NCOA1: variants seen among roughly 807,000 people sequenced by gnomAD.
NCOA1 encodes the protein Hin-2 protein.
In NCOA1, 35 loss-of-function variants were observed where a neutral mutation model predicts 150.9. That is an observed-to-expected ratio of 0.23 (90% confidence interval 0.18 to 0.31). The LOEUF is 0.31. Among genes scored for constraint, NCOA1 ranks in the 10% least tolerant of loss-of-function variants. NCOA1 has a pLI of 1.00. For synonymous variants in NCOA1, 590 were observed against 630.0 expected (o/e 0.94, Z 0.95); for missense variants, 1,491 against 1,749.3 (o/e 0.85, Z 2.63).
chr2:24,729,826 T>A lies in NCOA1; in HGVS notation c.3201+11T>A, dbSNP rs771413648. ...CAGGGACAACAGCAGGTAAGTGCTC[T>A]TGTTTAGCAGTTGATACTTTTTTTT... On this transcript the variant is annotated intron_variant, in intron 17 of 22. Transcript: ENST00000348332. 1 of 1,602,732 alleles carries A rather than the reference T, an allele frequency of 6.2e-7. No individual in the cohort carries two copies. Among genetic ancestry groups the A allele is most frequent in the Non-Finnish European group, 8.5e-7 (1 of 1,174,920 alleles).
chr2:24,544,068 T>C (rs907114402), intron 1 of NCOA1, among the ~76,000 whole-genome samples: 14 of 152,102 alleles, frequency 9.2e-5, no homozygotes, highest in African/African-American at 2.9e-4. Context: ...TGGAGATGTA[T>C]TTGAGAAAGA....
intron 3 of NCOA1, among the ~76,000 whole-genome samples, chr2:24,603,775 G>A (rs2148363896): frequency 6.6e-6 from 1 of 152,270 alleles, no homozygotes; most frequent in Non-Finnish European, 1.5e-5. Flanking sequence ...ATGATGGTTG[G>A]AACCAATCTA....
At chr2:24,662,391 A>G (rs1374270030) in intron 5 of NCOA1, among the ~76,000 whole-genome samples, 4 of 152,172 alleles carry the variant, frequency 2.6e-5, no homozygotes, top group African/African-American at 9.7e-5. Context: ...ACTCAAGTAC[A>G]TGTTAAGTGC....
intron 3 of NCOA1, among the ~76,000 whole-genome samples, chr2:24,618,717 C>T (rs530566758): frequency 2.0e-5 from 3 of 152,106 alleles, no homozygotes; most frequent in African/African-American, 4.8e-5. Flanking sequence ...TATGTTCCCC[C>T]CTCCTGTATT....
At chr2:24,569,080 A>G (rs1473005009) in intron 2 of NCOA1, among the ~76,000 whole-genome samples, 2 of 152,174 alleles carry the variant, frequency 1.3e-5, no homozygotes, top group African/African-American at 4.8e-5. Context: ...ATATCAATTC[A>G]TATCCCACTT....
chr2:24,622,974 T>A (rs56185971), intron 3 of NCOA1, among the ~76,000 whole-genome samples: 1 of 152,194 alleles, frequency 6.6e-6, no homozygotes, highest in Non-Finnish European at 1.5e-5. Flanking sequence ...TGTGGACACA[T>A]GTACATATGT....
intron 1 of NCOA1, among the ~76,000 whole-genome samples, chr2:24,525,132 A>G (rs190074762): frequency 2.6e-5 from 4 of 152,200 alleles, no homozygotes; most frequent in Non-Finnish European, 4.4e-5. Context: ...TCATTAAATT[A>G]CTAGGGATGG....
intron 9 of NCOA1, 28 bp downstream of exon 9, chr2:24,691,688 T>C: frequency 6.3e-7 from 1 of 1,594,234 alleles, no homozygotes. Context: ...TTTTAAAGTG[T>C]TTATTTCTTC....
Position 24,762,824 on chromosome 2 carries a change from GCA to G in NCOA1, c.4155+51_4155+52del, listed in dbSNP as rs112852246. On this transcript the variant is annotated intron_variant, in intron 22 of 22. Transcript: ENST00000348332. ...CAGAGCTGTCAAATGTACTCTAGATGCACAGAGGTCATTGTGTAGCATCATTA... is the reference window on the plus strand; with the variant it reads ...CAGAGCTGTCAAATGTACTCTAGATGCAGAGGTCATTGTGTAGCATCATTA... 22 of 1,491,970 alleles carry G rather than the reference GCA, an allele frequency of 1.5e-5. No individual in the cohort carries two copies. The African/African-American group carries it at 1.5e-4, about 10-fold the overall frequency. 92.4% of individuals were successfully genotyped at this position (1,491,970 alleles called of 1,614,324 possible). A position where few individuals can be genotyped will look rare whatever the true frequency, so the allele number is the denominator to read the frequency against.
At chr2:24,664,758 A>G (rs1175403047) in intron 5 of NCOA1, among the ~76,000 whole-genome samples, 1 of 152,118 alleles carries the variant, frequency 6.6e-6, no homozygotes, top group African/African-American at 2.4e-5. Flanking sequence ...ATTGTTGCCA[A>G]TTATGAGCTC....
chr2:24,617,569 C>T (rs984541140), intron 3 of NCOA1, among the ~76,000 whole-genome samples: 1 of 152,054 alleles, frequency 6.6e-6, no homozygotes, highest in African/African-American at 2.4e-5. Context: ...CTTTGAAAGT[C>T]ATCTGAACAT....
rs375484936 is a variant in NCOA1, at chr2:24,494,690, A to T, written c.-396+3088A>T. ...ATTTTGCATTACTTGCAAATATTGG[A>T]TGCTGTGGTCGGTGTGGGCTCGGGT... is the stretch of plus-strand genomic sequence containing the variant. On this transcript the variant is annotated intron_variant, in intron 1 of 22. Transcript: ENST00000348332. 1.8e-4 allele frequency among the ~76,000 whole-genome samples: 28 copies of T among 152,278 alleles called. No homozygotes were observed. In the East Asian group the frequency reaches 4.8e-3, roughly 26 times the overall value.
At chr2:24,587,982 C>T (rs1667487310) in intron 3 of NCOA1, among the ~76,000 whole-genome samples, 1 of 152,186 alleles carries the variant, frequency 6.6e-6, no homozygotes, top group Non-Finnish European at 1.5e-5. Context: ...CATTATTCCC[C>T]TTTACAAAAT....
intron 3 of NCOA1, among the ~76,000 whole-genome samples, chr2:24,606,246 A>G (rs1668357849): frequency 6.6e-6 from 1 of 151,236 alleles, no homozygotes; most frequent in African/African-American, 2.4e-5. Context: ...TGTTATTATT[A>G]TTATTTTGGT....
At chr2:24,606,594 A>G (rs1010912622) in intron 3 of NCOA1, among the ~76,000 whole-genome samples, 1 of 152,198 alleles carries the variant, frequency 6.6e-6, no homozygotes, top group East Asian at 1.9e-4. Context: ...CAGCTTGGTC[A>G]TGAGATATAT....
chr2:24,765,365 G>A (rs1572700033), intron 22 of NCOA1, among the ~76,000 whole-genome samples: 1 of 152,190 alleles, frequency 6.6e-6, no homozygotes, highest in Non-Finnish European at 1.5e-5. Context: ...CAGGCATGGT[G>A]GCGGGCGCCT....
At chr2:24,609,203 A>C (rs1284334833) in intron 3 of NCOA1, among the ~76,000 whole-genome samples, 1 of 152,224 alleles carries the variant, frequency 6.6e-6, no homozygotes, top group African/African-American at 2.4e-5. Flanking sequence ...TTCTGTAAGA[A>C]AGATTTGTTT....
At chr2:24,726,517 A>G (rs983344967) in intron 14 of NCOA1, 72 bp from the exon 15 acceptor site, 92 of 884,456 alleles carry the variant, frequency 1.0e-4, no homozygotes, top group Non-Finnish European at 1.5e-4. Context: ...TCTCCAATAT[A>G]TTATTTTTGA....
chr2:24,576,149 G>GTTTTTTTTTTTTTTTT lies in NCOA1; in HGVS notation c.-259-8314_-259-8313insTTTTTTTTTTTTTTTT, dbSNP rs1183405187. ...GAGTTTCAGAAATTATTTGGCCTTT[G>GTTTTTTTTTTTTTTTT]TTTTTTTTTTTTTGTTTTTTGTTTT... On this transcript the variant is annotated intron_variant, in intron 2 of 22. Transcript: ENST00000348332. Among the ~76,000 whole-genome samples the GTTTTTTTTTTTTTTTT allele has an allele frequency of 1.2e-3, 115 of 93,996 alleles. 7 individuals carry two copies. The highest frequency in any genetic ancestry group is 1.6e-3 in the Non-Finnish European group (79 of 48,854). The allele number at this position is 93,996 out of a possible 152,430, so 61.7% of individuals were successfully genotyped here. A position where few individuals can be genotyped will look rare whatever the true frequency, so the allele number is the denominator to read the frequency against.
Sources: allele counts gnomAD v4.1 joint callset (sites outside exome capture counted in the v4.1 genomes callset), GRCh38; gene constraint gnomAD v4.1.1; transcripts MANE v1.5; gene names NCBI Gene and HGNC (gene_info 2026-07-23, HGNC 2026-07-21).